DAB1: variants seen among roughly 807,000 people sequenced by gnomAD.
The protein encoded by DAB1 is DAB adaptor protein 1.
In DAB1, 15 loss-of-function variants were observed where a neutral mutation model predicts 64.6. That is an observed-to-expected ratio of 0.23 (90% confidence interval 0.16 to 0.36). The LOEUF (loss-of-function observed/expected upper bound fraction) is 0.36. DAB1 is among the 10% of genes least tolerant of loss of function. The pLI is 1.00. For synonymous variants in DAB1, 235 were observed against 251.9 expected (o/e 0.93, Z 0.64); for missense variants, 596 against 706.7 (o/e 0.84, Z 1.78).
chr1:58,499,189 C>CA (rs150923176), intron 3 of DAB1, among the ~76,000 whole-genome samples: 4,066 of 151,624 alleles, frequency 0.027, 174 homozygotes, highest in African/African-American at 0.093. Context: ...AAGTCCAACT[C>CA]AGAGAAATTG....
At chr1:57,504,984 A>G (rs191892848) in intron 7 of DAB1, among the ~76,000 whole-genome samples, 2 of 152,358 alleles carry the variant, frequency 1.3e-5, no homozygotes, top group East Asian at 3.9e-4. Flanking sequence ...TTAAGAAGAC[A>G]TGATGATGAA....
intron 4 of DAB1, among the ~76,000 whole-genome samples, chr1:58,169,351 C>T (rs182088479): frequency 7.9e-5 from 12 of 152,210 alleles, no homozygotes; most frequent in African/African-American, 2.2e-4. Context: ...ATTGTGGGTT[C>T]TTGGGCAGGG....
chr1:57,915,850 G>A (rs189042100), intron 5 of DAB1, among the ~76,000 whole-genome samples: 24 of 152,268 alleles, frequency 1.6e-4, no homozygotes, highest in Admixed American at 1.4e-3. Context: ...AGTTCATCTT[G>A]GGAAGAGCTC....
intron 1 of DAB1, among the ~76,000 whole-genome samples, chr1:57,409,607 G>T (rs572289168): frequency 6.6e-6 from 1 of 152,122 alleles, no homozygotes; most frequent in African/African-American, 2.4e-5. Flanking sequence ...TCAGGAATTC[G>T]AGACCAGCCT....
intron 7 of DAB1, among the ~76,000 whole-genome samples, chr1:57,530,387 G>A (rs1644648202): frequency 6.6e-6 from 1 of 152,082 alleles, no homozygotes; most frequent in African/African-American, 2.4e-5. Flanking sequence ...ATTGTGTTGG[G>A]CACATGAACC....
At chr1:58,047,159 C>G (rs1647293198) in intron 5 of DAB1, among the ~76,000 whole-genome samples, 1 of 152,016 alleles carries the variant, frequency 6.6e-6, no homozygotes, top group African/African-American at 2.4e-5. Flanking sequence ...GCAGTTTCAC[C>G]CAAAAGAAAT....
intron 7 of DAB1, among the ~76,000 whole-genome samples, chr1:57,606,641 G>A (rs1422690355): frequency 1.3e-5 from 1 of 74,434 alleles, no homozygotes; most frequent in Non-Finnish European, 2.3e-5. Context: ...TATTATATAT[G>A]AAATATATAT....
chr1:58,476,732 C>T (rs1031351173), intron 3 of DAB1, among the ~76,000 whole-genome samples: 6 of 152,166 alleles, frequency 3.9e-5, no homozygotes, highest in Non-Finnish European at 7.4e-5. Context: ...GATATTTTTA[C>T]CATCTGTCAT....
In DAB1 at chr1:58,527,305, A is replaced by G. The variant is rs777984806; in HGVS notation, n.63T>C. 5 of 872,086 alleles carry G rather than the reference A, an allele frequency of 5.7e-6. No homozygotes were observed. In the Admixed American group the frequency reaches 8.5e-5, roughly 15 times the overall value. The allele number at this position is 872,086 out of a possible 1,614,324, so 54.0% of individuals were successfully genotyped here. A position where few individuals can be genotyped will look rare whatever the true frequency, so the allele number is the denominator to read the frequency against. On this transcript the variant is annotated non_coding_transcript_exon_variant, in exon 2 of 21. Transcript: ENST00000485760. ...CCAATTTTGTCAGCTTCGGCCTCCA[A>G]TTTTCTGCTGTATGGTCTATTAAAC... is the stretch of plus-strand genomic sequence containing the variant.
chr1:57,290,878 A>C, intron 2 of DAB1, 86 bp downstream of exon 2: 1 of 745,082 alleles, frequency 1.3e-6, no homozygotes, highest in Non-Finnish European at 2.2e-6. Context: ...AATCATAAAG[A>C]TATTTCTTTA....
At chr1:58,145,419 C>T (rs1654535381) in intron 5 of DAB1, among the ~76,000 whole-genome samples, 1 of 151,904 alleles carries the variant, frequency 6.6e-6, no homozygotes, top group African/African-American at 2.4e-5. Flanking sequence ...AATATTAGTA[C>T]TCCCGTCACA....
At position 58,245,634 on chromosome 1, in the gene DAB1, AT is replaced by A. The variant is rs540799250; in HGVS notation, n.310-95047del. On this transcript the variant is annotated intron_variant and non_coding_transcript_variant, in intron 4 of 20. Coordinates refer to the DAB1 transcript ENST00000485760. ...GGTTTGAATCCATCTAGACACTACT[AT>A]TTTTTTTTTCTGACCTGACCAATTT... 3.8e-4 allele frequency among the ~76,000 whole-genome samples: 57 copies of A among 149,604 alleles called. No homozygotes were observed. In the South Asian group the frequency reaches 8.1e-3, roughly 21 times the overall value.
At chr1:58,538,848 G>T (rs773933149) in intron 1 of DAB1, 5 of 869,124 alleles carry the variant, frequency 5.8e-6, no homozygotes, top group Non-Finnish European at 1.0e-5. Context: ...TCATCAACAA[G>T]AGAGGAACCG....
At chr1:57,256,587 T>C (rs1669779444) in intron 2 of DAB1, among the ~76,000 whole-genome samples, 1 of 152,242 alleles carries the variant, frequency 6.6e-6, no homozygotes, top group African/African-American at 2.4e-5. Flanking sequence ...AGCCTGCTCT[T>C]ACACATGTGA....
At chr1:57,578,958 T>A (rs1163811550) in intron 7 of DAB1, among the ~76,000 whole-genome samples, 1 of 152,104 alleles carries the variant, frequency 6.6e-6, no homozygotes, top group Non-Finnish European at 1.5e-5. Context: ...ATGAAAGGAG[T>A]TGGTCTTCAT....
chr1:57,467,113 G>A (rs1220320393), intron 7 of DAB1, among the ~76,000 whole-genome samples: 1 of 152,010 alleles, frequency 6.6e-6, no homozygotes, highest in Admixed American at 6.6e-5. Context: ...GACTACCCAG[G>A]GTATCAAATT....
At chr1:57,643,184 G>C (rs771595155) in intron 7 of DAB1, among the ~76,000 whole-genome samples, 3 of 152,126 alleles carry the variant, frequency 2.0e-5, no homozygotes, top group Non-Finnish European at 4.4e-5. Flanking sequence ...TTTCTAGCCA[G>C]GTTTGTGCAC....
At chr1:57,837,971 C>T (rs570472555) in intron 1 of DAB1, among the ~76,000 whole-genome samples, 10 of 152,128 alleles carry the variant, frequency 6.6e-5, no homozygotes, top group Admixed American at 3.3e-4. Flanking sequence ...CATACTACTG[C>T]CACCATCATT....
At chr1:58,219,636 C>T (rs528369939) in intron 4 of DAB1, among the ~76,000 whole-genome samples, 1 of 152,198 alleles carries the variant, frequency 6.6e-6, no homozygotes, top group Non-Finnish European at 1.5e-5. Context: ...TCAATTTCTA[C>T]TTCTCTTCCG....
Sources: allele counts gnomAD v4.1 joint callset (sites outside exome capture counted in the v4.1 genomes callset), GRCh38; gene constraint gnomAD v4.1.1; transcripts MANE v1.5; gene names NCBI Gene and HGNC (gene_info 2026-07-23, HGNC 2026-07-21).